AKT3: variants seen among roughly 807,000 people sequenced by gnomAD.
The protein encoded by AKT3 is AKT serine/threonine kinase 3.
In AKT3, 15 loss-of-function variants were observed where a neutral mutation model predicts 65.3. That is an observed-to-expected ratio of 0.23 (90% CI 0.15 to 0.35). AKT3 has a LOEUF of 0.35. Among genes scored for constraint, AKT3 ranks in the 10% least tolerant of loss-of-function variants. The pLI, the probability that AKT3 is intolerant of heterozygous loss-of-function variation, is 1.00. For missense variants in AKT3, 243 were observed against 576.5 expected (o/e 0.42, Z 5.92); for synonymous variants, 206 against 183.8 (o/e 1.12, Z -0.98).
intron 2 of AKT3, among the ~76,000 whole-genome samples, chr1:243,753,868 A>C (rs1688962730): frequency 6.6e-6 from 1 of 152,208 alleles, no homozygotes; most frequent in Non-Finnish European, 1.5e-5. Context: ...TTTCCCATGA[A>C]GCCTTCTATA....
chr1:243,770,612 A>G (rs1394799294), intron 2 of AKT3, among the ~76,000 whole-genome samples: 1 of 152,060 alleles, frequency 6.6e-6, no homozygotes, highest in African/African-American at 2.4e-5. Flanking sequence ...TACAACCAAA[A>G]TGTGCCAGAA....
intron 2 of AKT3, among the ~76,000 whole-genome samples, chr1:243,742,603 C>T (rs990529470): frequency 1.1e-4 from 17 of 152,100 alleles, no homozygotes; most frequent in Non-Finnish European, 1.0e-4. Flanking sequence ...CCAGCCTGGG[C>T]GACAGAGCGA....
At chr1:243,509,147 C>T (rs1220842624) in intron 13 of AKT3, among the ~76,000 whole-genome samples, 1 of 152,118 alleles carries the variant, frequency 6.6e-6, no homozygotes, top group Non-Finnish European at 1.5e-5. Flanking sequence ...TCTGAAATGA[C>T]ACATGTTATT....
At chr1:243,721,704 TA>T (rs35987738) in intron 2 of AKT3, among the ~76,000 whole-genome samples, 21,982 of 151,970 alleles carry the variant, frequency 0.14, 1,785 homozygotes, top group East Asian at 0.31. Flanking sequence ...AAGGAGTTAA[TA>T]ACCCTGGGAA....
intron 13 of AKT3, among the ~76,000 whole-genome samples, chr1:243,509,224 T>A (rs1669869156): frequency 6.6e-6 from 1 of 152,214 alleles, no homozygotes; most frequent in East Asian, 1.9e-4. Flanking sequence ...ATGGCTTTTA[T>A]ATTGCTGATT....
chr1:243,832,885 T>C (rs1036690764), intron 2 of AKT3, among the ~76,000 whole-genome samples: 1 of 152,222 alleles, frequency 6.6e-6, no homozygotes, highest in Admixed American at 6.5e-5. Flanking sequence ...TATAATCTTA[T>C]GGGACCACCA....
intron 3 of AKT3, among the ~76,000 whole-genome samples, chr1:243,694,194 G>A (rs1166963711): frequency 6.6e-6 from 1 of 152,062 alleles, no homozygotes; most frequent in Non-Finnish European, 1.5e-5. Flanking sequence ...CTGGTAAAAT[G>A]GATAAACTAA....
chr1:243,675,709 T>C (rs896259242), intron 3 of AKT3, among the ~76,000 whole-genome samples: 2 of 152,234 alleles, frequency 1.3e-5, no homozygotes, highest in Non-Finnish European at 2.9e-5. Flanking sequence ...CTTGTTCTCA[T>C]TTTCATTTCT....
intron 2 of AKT3, among the ~76,000 whole-genome samples, chr1:243,745,677 A>G (rs752405269): frequency 3.9e-5 from 6 of 152,128 alleles, no homozygotes; most frequent in African/African-American, 9.7e-5. Flanking sequence ...AGCTTAAAAC[A>G]TTATAGGATT....
chr1:243,778,920 C>CTT (rs60460562), intron 2 of AKT3, among the ~76,000 whole-genome samples: 16 of 149,878 alleles, frequency 1.1e-4, no homozygotes, highest in South Asian at 8.4e-4. Flanking sequence ...TCTTCCGATT[C>CTT]TTTTTTTTTT....
chr1:243,819,126 C>T (rs1693706542), intron 2 of AKT3, among the ~76,000 whole-genome samples: 1 of 152,234 alleles, frequency 6.6e-6, no homozygotes, highest in East Asian at 1.9e-4. Flanking sequence ...ATGCCTAAGA[C>T]TACCGAATTC....
chr1:243,721,416 A>G (rs1283588278), intron 2 of AKT3, among the ~76,000 whole-genome samples: 1 of 152,076 alleles, frequency 6.6e-6, no homozygotes, highest in African/African-American at 2.4e-5. Context: ...ATAGCTGTCC[A>G]TTTTTCACTG....
At chr1:243,685,519 T>C (rs1368874560) in intron 3 of AKT3, among the ~76,000 whole-genome samples, 1 of 152,188 alleles carries the variant, frequency 6.6e-6, no homozygotes. Context: ...GAGGCCTCTG[T>C]TGTGTTCCAT....
intron 8 of AKT3, among the ~76,000 whole-genome samples, chr1:243,579,369 T>G (rs1675171436): frequency 6.6e-6 from 1 of 152,044 alleles, no homozygotes; most frequent in African/African-American, 2.4e-5. Flanking sequence ...AATCTTAGGG[T>G]ACTACTATAC....
intron 8 of AKT3, among the ~76,000 whole-genome samples, chr1:243,573,664 A>G (rs1674724595): frequency 6.6e-6 from 1 of 152,156 alleles, no homozygotes; most frequent in African/African-American, 2.4e-5. Flanking sequence ...AGAAACATCC[A>G]TTATTCCTAT....
At chr1:243,823,010 C>A (rs1450451507) in intron 2 of AKT3, among the ~76,000 whole-genome samples, 2 of 152,160 alleles carry the variant, frequency 1.3e-5, no homozygotes, top group African/African-American at 2.4e-5. Context: ...CCCTGATGAA[C>A]ATTAATGCAA....
At chr1:243,822,324 T>C (rs1693902919) in intron 2 of AKT3, among the ~76,000 whole-genome samples, 1 of 151,756 alleles carries the variant, frequency 6.6e-6, no homozygotes. Context: ...ATCAAAATAC[T>C]AGAAAGATCT....
intron 2 of AKT3, chr1:243,735,463 C>A (rs1047172547): frequency 6.6e-6 from 1 of 152,182 alleles, no homozygotes; most frequent in Non-Finnish European, 1.5e-5. Context: ...CTAAAAATAT[C>A]ATCTAAGTAT....
intron 8 of AKT3, among the ~76,000 whole-genome samples, chr1:243,613,188 TA>T (rs1678029718): frequency 6.8e-6 from 1 of 146,548 alleles, no homozygotes; most frequent in Non-Finnish European, 1.5e-5. Context: ...CATATATACA[TA>T]CACACACACA....
Sources: allele counts gnomAD v4.1 joint callset (sites outside exome capture counted in the v4.1 genomes callset), GRCh38; gene constraint gnomAD v4.1.1; transcripts MANE v1.5; gene names NCBI Gene and HGNC (gene_info 2026-07-23, HGNC 2026-07-21).